The following SEMA3E variants were observed in gnomAD, a reference collection of about 807,000 sequenced individuals.
SEMA3E encodes the protein semaphorin-3E.
A neutral mutation model predicts 93.6 loss-of-function variants in SEMA3E; 49 were observed. The observed-to-expected ratio is 0.52, with a 90% CI of 0.42 to 0.66. The LOEUF is 0.66. Ranked by LOEUF, SEMA3E falls within the 30% of genes least tolerant of loss-of-function variation. The pLI is 0.00. For synonymous variants in SEMA3E, 363 were observed against 330.7 expected (o/e 1.10, Z -1.06); for missense variants, 906 against 964.8 (o/e 0.94, Z 0.81).
chr7:83,627,429 G>A (rs1448419327), intron 1 of SEMA3E, among the ~76,000 whole-genome samples: 5 of 152,134 alleles, frequency 3.3e-5, no homozygotes, highest in Middle Eastern at 3.4e-3. Context: ...AGTGAATCTG[G>A]GTGCTCCTCT....
intron 4 of SEMA3E, among the ~76,000 whole-genome samples, chr7:83,430,093 G>A (rs375469345): frequency 3.3e-5 from 5 of 152,220 alleles, no homozygotes; most frequent in African/African-American, 1.2e-4. Flanking sequence ...TTGAATATAG[G>A]AAGTATGATG....
intron 1 of SEMA3E, among the ~76,000 whole-genome samples, chr7:83,500,968 T>A (rs1049894188): frequency 3.9e-5 from 6 of 152,196 alleles, no homozygotes; most frequent in African/African-American, 1.4e-4. Flanking sequence ...TAGGTACTTA[T>A]TTTTTAATGT....
At chr7:83,498,417 A>G (rs777035397) in intron 1 of SEMA3E, among the ~76,000 whole-genome samples, 25 of 152,178 alleles carry the variant, frequency 1.6e-4, no homozygotes, top group Admixed American at 1.6e-3. Context: ...TTTAGTATCC[A>G]TTTTATTTAT....
chr7:83,580,112 C>T (rs1332866801), intron 1 of SEMA3E, among the ~76,000 whole-genome samples: 1 of 152,024 alleles, frequency 6.6e-6, no homozygotes, highest in African/African-American at 2.4e-5. Context: ...ACTATCTGAA[C>T]TTTGATAAGA....
intron 1 of SEMA3E, among the ~76,000 whole-genome samples, chr7:83,637,164 A>G (rs1342347729): frequency 6.6e-6 from 1 of 152,058 alleles, no homozygotes; most frequent in Admixed American, 6.6e-5. Context: ...TACAATATAC[A>G]TTGTATGGTA....
chr7:83,529,008 AAAAG>A (rs1262155253), intron 1 of SEMA3E, among the ~76,000 whole-genome samples: 1 of 151,834 alleles, frequency 6.6e-6, no homozygotes, highest in Non-Finnish European at 1.5e-5. Context: ...GTCTGAGCTT[AAAAG>A]AGTATTCAAG....
At chr7:83,535,490 G>C (rs1443370246) in intron 1 of SEMA3E, among the ~76,000 whole-genome samples, 1 of 151,318 alleles carries the variant, frequency 6.6e-6, no homozygotes, top group Non-Finnish European at 1.5e-5. Flanking sequence ...TTTTGCTTAG[G>C]TAATCACAGC....
intron 4 of SEMA3E, among the ~76,000 whole-genome samples, chr7:83,460,843 C>T (rs1229935649): frequency 1.3e-5 from 2 of 150,876 alleles, no homozygotes; most frequent in South Asian, 2.1e-4. Flanking sequence ...TCCCACTTTT[C>T]TGGAAGGTAA....
chr7:83,405,822 A>G (rs1176446129), intron 8 of SEMA3E, 123 bp downstream of exon 8: 2 of 800,644 alleles, frequency 2.5e-6, no homozygotes, highest in African/African-American at 1.7e-5. Flanking sequence ...AAAGAACAGA[A>G]ACTTGCTCTA....
At chr7:83,450,492 G>A (rs1789336670) in intron 4 of SEMA3E, among the ~76,000 whole-genome samples, 1 of 152,074 alleles carries the variant, frequency 6.6e-6, no homozygotes, top group Admixed American at 6.5e-5. Context: ...AGCAAAATAA[G>A]CTAACCACAC....
At chr7:83,553,597 G>A (rs1791821078) in intron 1 of SEMA3E, among the ~76,000 whole-genome samples, 1 of 152,014 alleles carries the variant, frequency 6.6e-6, no homozygotes, top group African/African-American at 2.4e-5. Flanking sequence ...CATGCTTGTT[G>A]AATATATACG....
At chr7:83,531,549 C>T (rs1422732327) in intron 1 of SEMA3E, among the ~76,000 whole-genome samples, 1 of 151,786 alleles carries the variant, frequency 6.6e-6, no homozygotes, top group Non-Finnish European at 1.5e-5. Flanking sequence ...GATGGGGTTT[C>T]ACTACGTTGG....
chr7:83,370,913 T>C (rs928804290), intron 16 of SEMA3E, among the ~76,000 whole-genome samples: 23 of 152,182 alleles, frequency 1.5e-4, no homozygotes, highest in Non-Finnish European at 2.4e-4. Context: ...TTAGAACTTA[T>C]TCAGATCTCT....
At chr7:83,472,109 T>A (rs1789909856) in intron 2 of SEMA3E, among the ~76,000 whole-genome samples, 1 of 152,200 alleles carries the variant, frequency 6.6e-6, no homozygotes, top group Admixed American at 6.5e-5. Flanking sequence ...AATTGTTACC[T>A]TTTTGTACAT....
chr7:83,392,504 A>T, intron 14 of SEMA3E, 51 bp downstream of exon 14: 3 of 1,559,868 alleles, frequency 1.9e-6, no homozygotes, highest in South Asian at 1.1e-5. Flanking sequence ...AAAAAAAAGC[A>T]TTAGGGTTTT....
intron 4 of SEMA3E, among the ~76,000 whole-genome samples, chr7:83,419,824 A>G (rs532308408): frequency 2.9e-5 from 3 of 103,588 alleles, no homozygotes; most frequent in Admixed American, 2.3e-4. Flanking sequence ...AACATTTGTC[A>G]AAATAATAAG....
At position 83,390,738 on chromosome 7, in the gene SEMA3E, G is replaced by A. The variant is rs923492688; in HGVS notation, c.1667+1817C>T. Among the ~76,000 whole-genome samples the A allele has an allele frequency of 1.2e-4, 18 of 152,148 alleles. 1 individual carries two copies. The highest frequency in any genetic ancestry group is 4.1e-4 in the African/African-American group (17 of 41,448). ...TGAAAGATCTCCATTACATGTCACT[G>A]AACTGAACTAATTCATTTACGAGCA... On this transcript the variant is annotated intron_variant, in intron 14 of 16. Transcript: ENST00000643230.
At chr7:83,535,738 G>A (rs1791400152) in intron 1 of SEMA3E, among the ~76,000 whole-genome samples, 2 of 152,058 alleles carry the variant, frequency 1.3e-5, no homozygotes, top group South Asian at 4.1e-4. Context: ...GGTGGATTTT[G>A]TTAACAAGAG....
chr7:83,575,806 T>C (rs1324875658), intron 1 of SEMA3E, among the ~76,000 whole-genome samples: 1 of 152,190 alleles, frequency 6.6e-6, no homozygotes, highest in East Asian at 1.9e-4. Context: ...AAAATACCAA[T>C]TCATAACTCC....
Sources: gnomAD v4.1 joint callset for allele counts (sites outside exome capture counted in the v4.1 genomes callset) on GRCh38, gnomAD v4.1.1 for gene constraint, MANE v1.5 for transcripts, NCBI Gene and HGNC (gene_info 2026-07-23, HGNC 2026-07-21) for gene names.